The following GARIN1A variants were observed in gnomAD, a reference collection of about 807,000 sequenced individuals.
GARIN1A encodes the protein golgi associated RAB2 interactor 1A.
the GARIN1A span, among the ~76,000 whole-genome samples, chr7:128,698,807 G>A: frequency 6.6e-6 from 1 of 152,084 alleles, no homozygotes; most frequent in African/African-American, 2.4e-5. Flanking sequence ...GGCTGGTCTC[G>A]AACTCCTGAC....
chr7:128,688,290 G>A, the GARIN1A span, among the ~76,000 whole-genome samples: 2 of 152,084 alleles, frequency 1.3e-5, no homozygotes, highest in Non-Finnish European at 1.5e-5. Flanking sequence ...GATTACAGGC[G>A]TGAGCCACCG....
At chr7:128,679,105 A>G in the GARIN1A span, among the ~76,000 whole-genome samples, 1 of 151,346 alleles carries the variant, frequency 6.6e-6, no homozygotes, top group Admixed American at 6.6e-5. Context: ...ATATATATAT[A>G]TTAATGCCAT....
At chr7:128,690,053 T>C in the GARIN1A span, among the ~76,000 whole-genome samples, 1 of 152,222 alleles carries the variant, frequency 6.6e-6, no homozygotes, top group East Asian at 1.9e-4. Context: ...TTCATTTTGT[T>C]CTGTACTAAG....
the GARIN1A span, among the ~76,000 whole-genome samples, chr7:128,703,352 A>G: frequency 6.6e-6 from 1 of 152,262 alleles, no homozygotes; most frequent in African/African-American, 2.4e-5. Context: ...CGACAAAATT[A>G]AACTGTAAAT....
At chr7:128,699,676 A>C in the GARIN1A span, among the ~76,000 whole-genome samples, 1 of 152,230 alleles carries the variant, frequency 6.6e-6, no homozygotes, top group Admixed American at 6.5e-5. Flanking sequence ...TGTACTTAAA[A>C]TTAAAGCATA....
At chr7:128,678,014 T>A in the GARIN1A span, 1 of 232,928 alleles carries the variant, frequency 4.3e-6, no homozygotes. Flanking sequence ...TAGAAATGTT[T>A]CTTTTTTTTT....
the GARIN1A span, among the ~76,000 whole-genome samples, chr7:128,672,736 G>GT: frequency 6.6e-6 from 1 of 152,088 alleles, no homozygotes; most frequent in Non-Finnish European, 1.5e-5. Context: ...TGTGCCTACC[G>GT]TATGATAGAG....
the GARIN1A span, among the ~76,000 whole-genome samples, chr7:128,699,106 A>G: frequency 1.3e-5 from 2 of 152,160 alleles, no homozygotes; most frequent in Non-Finnish European, 2.9e-5. Flanking sequence ...TTTGTCTCTT[A>G]TATTTAACAA....
the GARIN1A span, chr7:128,683,177 C>T: frequency 8.2e-6 from 13 of 1,580,174 alleles, no homozygotes; most frequent in Middle Eastern, 1.8e-4. Context: ...GCAAAACATG[C>T]TCTTCCTTGC....
chr7:128,707,138 T>C, the GARIN1A span, among the ~76,000 whole-genome samples: 3 of 152,014 alleles, frequency 2.0e-5, no homozygotes, highest in Non-Finnish European at 4.4e-5. Context: ...GAAGCCAACC[T>C]TACTACCATC....
At chr7:128,682,702 C>T in the GARIN1A span, among the ~76,000 whole-genome samples, 4 of 152,056 alleles carry the variant, frequency 2.6e-5, no homozygotes, top group Admixed American at 2.0e-4. Flanking sequence ...CTCAGCCTCC[C>T]GAGTAGCTGG....
the GARIN1A span, among the ~76,000 whole-genome samples, chr7:128,679,291 C>T: frequency 3.3e-5 from 5 of 151,922 alleles, no homozygotes; most frequent in African/African-American, 4.8e-5. Flanking sequence ...CTCCCAGGTT[C>T]AAGCGATTCT....
chr7:128,679,671 A>C, the GARIN1A span, among the ~76,000 whole-genome samples: 2 of 152,302 alleles, frequency 1.3e-5, no homozygotes, highest in South Asian at 4.1e-4. Context: ...TGGACTGTTC[A>C]AAACCTTCAG....
the GARIN1A span, among the ~76,000 whole-genome samples, chr7:128,689,447 C>T: frequency 6.6e-6 from 1 of 151,922 alleles, no homozygotes; most frequent in Admixed American, 6.6e-5. Flanking sequence ...CGGCCGTGAC[C>T]CCGACTGGGA....
chr7:128,677,933 T>A, the GARIN1A span: 2 of 859,524 alleles, frequency 2.3e-6, no homozygotes, highest in Non-Finnish European at 3.4e-6. Context: ...GTAAATATCA[T>A]TTTGATAATT....
the GARIN1A span, among the ~76,000 whole-genome samples, chr7:128,681,186 A>C: frequency 6.6e-6 from 1 of 152,216 alleles, no homozygotes; most frequent in Non-Finnish European, 1.5e-5. Context: ...GTCCATTTAA[A>C]TTGCAAAAGC....
At chr7:128,688,223 G>A in the GARIN1A span, among the ~76,000 whole-genome samples, 1 of 152,124 alleles carries the variant, frequency 6.6e-6, no homozygotes, top group South Asian at 2.1e-4. Context: ...GGTTGGCCAG[G>A]ATGGTCTCGA....
At chr7:128,677,546 T>TAGGA in the GARIN1A span, 1 of 1,541,146 alleles carries the variant, frequency 6.5e-7, no homozygotes, top group East Asian at 2.4e-5. Flanking sequence ...CCCATGGAAA[T>TAGGA]GTCCTGATTA....
the GARIN1A span, chr7:128,683,147 C>T: frequency 3.7e-6 from 6 of 1,608,738 alleles, no homozygotes; most frequent in Non-Finnish European, 5.1e-6. Context: ...GAGAGCACTT[C>T]TTGGGAGCCT....
Sources: allele counts gnomAD v4.1 joint callset (sites outside exome capture counted in the v4.1 genomes callset), GRCh38; gene constraint gnomAD v4.1.1; transcripts MANE v1.5; gene names NCBI Gene and HGNC (gene_info 2026-07-23, HGNC 2026-07-21).